The following FCRL5 variants were observed in gnomAD, a reference collection of about 807,000 sequenced individuals.
The protein encoded by FCRL5 is Fc receptor-like protein 5.
A neutral mutation model predicts 92.1 loss-of-function variants in FCRL5; 79 were observed. The observed-to-expected ratio is 0.86, with a 90% CI of 0.72 to 1.03. The LOEUF (loss-of-function observed/expected upper bound fraction) is 1.03. Among genes scored for constraint, FCRL5 ranks in the 50% least tolerant of loss-of-function variants. The pLI is 0.00. For missense variants in FCRL5, 1,160 were observed against 1,181.1 expected, an observed-to-expected ratio of 0.98 and a Z score of 0.26; for synonymous variants, 466 against 469.3, an observed-to-expected ratio of 0.99 and a Z score of 0.09.
rs758266168 is a variant in FCRL5 at position 157,524,305 on chromosome 1, C to G, written c.2213G>C (p.Ser738Thr). The G allele has an allele frequency of 1.2e-6, 2 of 1,614,288 alleles. No individual in the cohort carries two copies. Among genetic ancestry groups the G allele is most frequent in the South Asian group, 2.2e-5 (2 of 91,090 alleles). ...EADNGLEAQRSEMVTLKVAVP... is the reference protein window; with the variant it reads ...EADNGLEAQRTEMVTLKVAVP... ...TGCAACTTTCAGTGTCACCATCTCA[C>G]TGCGCTGGGCCTCCAGACCATTGTC... The change falls in exon 10 of 17, where the codon AGT becomes ACT. Residue 738 changes from serine (S) to threonine (T), a missense_variant. By Grantham distance (58) the Ser-to-Thr change is moderately conservative. Coordinates refer to ENST00000361835, the MANE Select transcript of FCRL5 (RefSeq NM_031281.3).
chr1:157,517,257 C>T (rs765767148), intron 15 of FCRL5, among the ~76,000 whole-genome samples: 5 of 152,122 alleles, frequency 3.3e-5, no homozygotes, highest in African/African-American at 1.2e-4. Context: ...TCTGCAGTTT[C>T]GACAGCATTT....
At chr1:157,534,014 C>T (rs564070042) in intron 8 of FCRL5, 5 of 174,114 alleles carry the variant, frequency 2.9e-5, no homozygotes, top group East Asian at 1.6e-4. Flanking sequence ...GACACCAAAT[C>T]GTACACATAC....
At chr1:157,535,254 C>T (rs1475362249) in intron 7 of FCRL5, among the ~76,000 whole-genome samples, 3 of 152,218 alleles carry the variant, frequency 2.0e-5, no homozygotes, top group Non-Finnish European at 2.9e-5. Flanking sequence ...TCCCTGCAAC[C>T]ATGGAAGAGC....
chr1:157,544,143 C>G, intron 5 of FCRL5, 119 bp downstream of exon 5: 1 of 1,006,640 alleles, frequency 9.9e-7, no homozygotes. Context: ...GCTTGCACAA[C>G]TCCCATTCTC....
chr1:157,516,806 G>T (rs768963699), intron 15 of FCRL5, among the ~76,000 whole-genome samples: 13 of 152,166 alleles, frequency 8.5e-5, no homozygotes, highest in Non-Finnish European at 1.8e-4. Flanking sequence ...CTAGAGTTTG[G>T]ACTCTGGAGA....
intron 7 of FCRL5, 96 bp downstream of exon 7, chr1:157,538,990 C>A: frequency 7.5e-7 from 1 of 1,336,118 alleles, no homozygotes. Context: ...AAGAAAGAAA[C>A]AGAGGATACT....
chr1:157,537,008 AT>A, intron 7 of FCRL5, among the ~76,000 whole-genome samples: 1 of 152,168 alleles, frequency 6.6e-6, no homozygotes, highest in Admixed American at 6.5e-5. Context: ...TAATCCCATC[AT>A]TTTTGTAAAC....
At chr1:157,529,197 G>A (rs1248035094) in intron 8 of FCRL5, among the ~76,000 whole-genome samples, 2 of 152,048 alleles carry the variant, frequency 1.3e-5, no homozygotes, top group Admixed American at 1.3e-4. Flanking sequence ...CAGCAAACAT[G>A]TAAACGTGCT....
chr1:157,534,164 G>A (rs1650825217), intron 8 of FCRL5: 7 of 394,940 alleles, frequency 1.8e-5, no homozygotes, highest in Non-Finnish European at 2.4e-5. Flanking sequence ...TTGGTTCCTA[G>A]GGAGCCATTT....
intron 10 of FCRL5, 57 bp from the exon 11 acceptor site, chr1:157,521,349 CAAA>C: frequency 6.6e-7 from 1 of 1,519,140 alleles, no homozygotes; most frequent in Non-Finnish European, 8.8e-7. Flanking sequence ...TTGTAAGAAA[CAAA>C]AGGTATCATA....
At position 157,544,417 on chromosome 1, in the gene FCRL5, C is replaced by T. The variant is rs779556835; in HGVS notation, c.689G>A (p.Arg230Lys). 1.2e-4 allele frequency: 188 copies of T among 1,614,120 alleles called. No individual in the cohort carries two copies. The highest frequency in any genetic ancestry group is 4.9e-4 in the Middle Eastern group (3 of 6,082). The change falls in exon 5 of 17, where the codon AGA becomes AAA. Residue 230 changes from arginine (R) to lysine (K), a missense_variant. Transcript: ENST00000361835. ...SDVPLRFRFF[R>K]DDQTLGLGWS... Reference sequence around the variant, plus strand: ...GCCTAATCCCAGGGTCTGGTCATCTCTGAAGAAGCGGAACCGGAGCGGGAC... The same window carrying T: ...GCCTAATCCCAGGGTCTGGTCATCTTTGAAGAAGCGGAACCGGAGCGGGAC...
At chr1:157,549,897 A>G (rs1651739011) in intron 1 of FCRL5, among the ~76,000 whole-genome samples, 1 of 152,114 alleles carries the variant, frequency 6.6e-6, no homozygotes, top group Non-Finnish European at 1.5e-5. Flanking sequence ...AGAAATACAC[A>G]TGGGGTATGT....
chr1:157,543,041 G>A lies in FCRL5; in HGVS notation c.941C>T (p.Ser314Phe). 6.2e-7 allele frequency: 1 copy of A among 1,614,264 alleles called. No individual in the cohort carries two copies. Among genetic ancestry groups the A allele is most frequent in the East Asian group, 2.2e-5 (1 of 44,888 alleles). ...VTLHCETQED[S>F]LRTLYRFYHE... ...ATAAAACCTGTACAAAGTGCGCAGA[G>A]AATCTTCCTGGGTTTCACAGTGAAG... Residue 314 changes from serine to phenylalanine, a missense_variant, in exon 6 of 17, where the codon TCT becomes TTT. Physicochemically the swap from Ser to Phe is radical, Grantham distance 155. Coordinates refer to ENST00000361835, the MANE Select transcript of FCRL5 (RefSeq NM_031281.3).
intron 5 of FCRL5, 63 bp from the exon 6 acceptor site, chr1:157,543,200 G>A: frequency 6.6e-7 from 1 of 1,522,734 alleles, no homozygotes; most frequent in Non-Finnish European, 8.9e-7. Flanking sequence ...TACAAGGCAT[G>A]GCCAGTGCAA....
intron 3 of FCRL5, chr1:157,546,268 G>A (rs564777396): frequency 2.2e-6 from 1 of 454,334 alleles, no homozygotes; most frequent in East Asian, 7.0e-5. Context: ...GGCAGCATGA[G>A]GAAATCCCAT....
In FCRL5 at chr1:157,544,939, A is replaced by G. The variant is rs1234362939; in HGVS notation, c.451T>C (p.Phe151Leu). The G allele has an allele frequency of 3.7e-6, 6 of 1,614,098 alleles. No homozygotes were observed. The highest frequency in any genetic ancestry group is 5.1e-6 in the Non-Finnish European group (6 of 1,180,014). ...TTGAGACATGCATGAGGAATATGGA[A>G]GTCAGTTCTTTTATTAAGGAATGCC... ...VLAFLNKRTD[F>L]HIPHACLKDN... The change falls in exon 4 of 17, where the codon TTC (phenylalanine) becomes CTC (leucine). Residue 151 changes from phenylalanine to leucine, a missense_variant. Phe to Leu is a conservative substitution (Grantham distance 22, BLOSUM62 0). Coordinates refer to ENST00000361835, the MANE Select transcript of FCRL5 (RefSeq NM_031281.3).
intron 3 of FCRL5, among the ~76,000 whole-genome samples, chr1:157,546,723 C>T (rs938764414): frequency 2.0e-5 from 3 of 152,182 alleles, no homozygotes; most frequent in African/African-American, 4.8e-5. Flanking sequence ...CATTAATCCA[C>T]TCAAGTAAAA....
At chr1:157,525,223 A>G (rs1421273746) in intron 9 of FCRL5, among the ~76,000 whole-genome samples, 2 of 152,260 alleles carry the variant, frequency 1.3e-5, no homozygotes, top group African/African-American at 4.8e-5. Flanking sequence ...ACAGGGTACT[A>G]TGAAATGTAT....
intron 6 of FCRL5, 129 bp downstream of exon 6, chr1:157,542,730 G>T: frequency 8.9e-7 from 1 of 1,129,704 alleles, no homozygotes; most frequent in Non-Finnish European, 1.3e-6. Context: ...GCCGGAGAGT[G>T]GAGGAGGACA....
Sources: gnomAD v4.1 joint callset for allele counts (sites outside exome capture counted in the v4.1 genomes callset) on GRCh38, gnomAD v4.1.1 for gene constraint, MANE v1.5 for transcripts, NCBI Gene and HGNC (gene_info 2026-07-23, HGNC 2026-07-21) for gene names.